The following NTAN1 variants were observed in gnomAD, a reference collection of about 807,000 sequenced individuals.
NTAN1 encodes N-terminal asparagine amidase.
A neutral mutation model predicts 41.9 loss-of-function variants in NTAN1; 32 were observed. The ratio of observed to expected loss-of-function variants is 0.76; its 90% CI spans 0.58 to 1.03. The LOEUF is 1.03. Among genes scored for constraint, NTAN1 ranks in the 50% least tolerant of loss-of-function variants. The pLI is 0.00. For missense variants in NTAN1, 377 were observed against 377.5 expected, an observed-to-expected ratio of 1.00 and a Z score of 0.01; for synonymous variants, 140 against 139.5, an observed-to-expected ratio of 1.00 and a Z score of -0.03.
intron 4 of NTAN1, 130 bp from the exon 5 acceptor site, chr16:15,044,537 C>T: frequency 1.5e-6 from 1 of 682,876 alleles, no homozygotes; most frequent in Non-Finnish European, 2.6e-6. Flanking sequence ...CATCTTCGTG[C>T]CACCGCAAAA....
intron 1 of NTAN1, among the ~76,000 whole-genome samples, chr16:15,053,182 G>A (rs532985106): frequency 2.0e-5 from 3 of 152,330 alleles, no homozygotes; most frequent in Admixed American, 1.3e-4. Flanking sequence ...ACTGAATAGC[G>A]CAGCTCCAGA....
chr16:15,056,044 C>T lies in NTAN1; in HGVS notation c.-73G>A, dbSNP rs1353423261. ...CTTTGCAGCCCCGGGCCGCCCGCCG[C>T]CCCCGCCCCTCGGGCCGCGCGTCCC... is the stretch of plus-strand genomic sequence containing the variant. On this transcript the variant is annotated 5_prime_UTR_variant, in exon 1 of 10. Transcript: ENST00000287706. 7 of 667,160 alleles carry T rather than the reference C, an allele frequency of 1.0e-5. No individual in the cohort carries two copies. The highest frequency in any genetic ancestry group is 1.9e-5 in the African/African-American group (1 of 51,660). 41.3% of individuals were successfully genotyped at this position (667,160 alleles called of 1,614,324 possible).
At chr16:15,039,400 CTT>C (rs934330170) in intron 8 of NTAN1, among the ~76,000 whole-genome samples, 1 of 152,190 alleles carries the variant, frequency 6.6e-6, no homozygotes, top group Non-Finnish European at 1.5e-5. Flanking sequence ...TTTTTTCACA[CTT>C]TGAGCATTTT....
At chr16:15,044,614 ATGACT>A in intron 4 of NTAN1, 1 of 591,600 alleles carries the variant, frequency 1.7e-6, no homozygotes, top group Non-Finnish European at 3.0e-6. Flanking sequence ...AGGGGCCCTG[ATGACT>A]GAGGGGATCC....
rs1443717457 is a variant in NTAN1, at chr16:15,041,603, G to C, written c.487+20C>G. 1.9e-6 allele frequency: 3 copies of C among 1,591,630 alleles called. No individual in the cohort carries two copies. Among genetic ancestry groups the C allele is most frequent in the Non-Finnish European group, 2.6e-6 (3 of 1,159,578 alleles). The stretch of plus-strand genomic sequence containing the variant: ...TCCTGAGACCCACATCTTTGCTTTG[G>C]GGCAAATGGCAGGACTTACCTGTCA... On this transcript the variant is annotated intron_variant, in intron 6 of 9. Transcript: ENST00000287706.
At position 15,047,585 on chromosome 16, in the gene NTAN1, C is replaced by G. The variant is rs371603293; in HGVS notation, c.251-35G>C. 17 of 1,467,770 alleles carry G rather than the reference C, an allele frequency of 1.2e-5. No individual in the cohort carries two copies. In the African/African-American group the frequency reaches 2.2e-4, roughly 19 times the overall value. The allele number at this position is 1,467,770 out of a possible 1,614,324, so 90.9% of individuals were successfully genotyped here. On this transcript the variant is annotated intron_variant, in intron 3 of 9. Coordinates refer to ENST00000287706, the MANE Select transcript of NTAN1 (RefSeq NM_173474.4). ...AAGGGTGAAAGGACTCAAGTTATTC[C>G]CTGATGCGAGTGCAGTGCGCAGGCC... is the stretch of plus-strand genomic sequence containing the variant.
In NTAN1 at chr16:15,038,072, C is replaced by T. The variant is rs1277243692; in HGVS notation, c.892G>A (p.Glu298Lys). The change falls in exon 10 of 10, where the codon GAA becomes AAA. Residue 298 changes from glutamate (E) to lysine (K), a missense_variant. Physicochemically the swap from Glu to Lys is moderately conservative, Grantham distance 56. Coordinates refer to ENST00000287706, the MANE Select transcript of NTAN1 (RefSeq NM_173474.4). ...GNKALLYKKN[E>K]DGLWEKISSP... Reference sequence around the variant, plus strand: ...GAGATCTTTTCCCACAAGCCATCTTCATTTTTTTTGTAGAGTAGGGCTTTA... The same window carrying T: ...GAGATCTTTTCCCACAAGCCATCTTTATTTTTTTTGTAGAGTAGGGCTTTA... 4 of 1,612,218 alleles carry T rather than the reference C, an allele frequency of 2.5e-6. No individual in the cohort carries two copies. Among genetic ancestry groups the T allele is most frequent in the Non-Finnish European group, 2.5e-6 (3 of 1,179,368 alleles).
intron 1 of NTAN1, 59 bp from the exon 2 acceptor site, chr16:15,048,158 A>G: frequency 7.8e-7 from 1 of 1,282,164 alleles, no homozygotes; most frequent in Non-Finnish European, 1.1e-6. Context: ...GGAAAAACTA[A>G]AGATGTGGAG....
In NTAN1 at chr16:15,046,232, A is replaced by G. The variant is rs2044055438; in HGVS notation, c.359+1210T>C. On this transcript the variant is annotated intron_variant, in intron 4 of 9. Transcript: ENST00000287706. ...GAGAATTTAGAATCGACCAGTATTG[A>G]CTAGCAAATCTCTCCCAGAGAACTC... Among the ~76,000 whole-genome samples the G allele has an allele frequency of 2.0e-5, 3 of 152,220 alleles. No homozygotes were observed. In the South Asian group the frequency reaches 6.2e-4, roughly 32 times the overall value.
At chr16:15,039,676 G>A (rs1277331883) in intron 8 of NTAN1, among the ~76,000 whole-genome samples, 1 of 152,162 alleles carries the variant, frequency 6.6e-6, no homozygotes, top group Non-Finnish European at 1.5e-5. Context: ...GAACTTTATA[G>A]AAAAGCTCTT....
intron 1 of NTAN1, among the ~76,000 whole-genome samples, chr16:15,055,454 C>A (rs1274205016): frequency 1.3e-5 from 2 of 152,200 alleles, no homozygotes; most frequent in Non-Finnish European, 2.9e-5. Context: ...CTCCGAAGCC[C>A]ACCCTGGAAT....
At chr16:15,052,063 A>G (rs916889339) in intron 1 of NTAN1, among the ~76,000 whole-genome samples, 1 of 151,994 alleles carries the variant, frequency 6.6e-6, no homozygotes, top group Non-Finnish European at 1.5e-5. Flanking sequence ...CCCAGTTCCT[A>G]TTCAATGGCA....
At chr16:15,048,438 T>C (rs1473163885) in intron 1 of NTAN1, among the ~76,000 whole-genome samples, 1 of 152,210 alleles carries the variant, frequency 6.6e-6, no homozygotes, top group Non-Finnish European at 1.5e-5. Context: ...CAGGCTGGTC[T>C]TGAACTCCTG....
chr16:15,045,707 C>T (rs2044031169), intron 4 of NTAN1: 1 of 152,244 alleles, frequency 6.6e-6, no homozygotes, highest in South Asian at 2.1e-4. Flanking sequence ...CTTGAGAAGT[C>T]CTGCGACTGA....
chr16:15,044,383 G>C lies in NTAN1; in HGVS notation c.384C>G (p.Gly128=), dbSNP rs764580920. ...CGRLEVHLVG[G]FSDDRQLSQK... ...GTGACAACTGCCTGTCGTCACTGAA[G>C]CCTCCAACAAGGTGTACTTCCAGCC... The change falls in exon 5 of 10, where the codon GGC becomes GGG. Residue 128 remains glycine, a synonymous_variant. Coordinates refer to ENST00000287706, the MANE Select transcript of NTAN1 (RefSeq NM_173474.4). 6.2e-7 allele frequency: 1 copy of C among 1,613,192 alleles called. No homozygotes were observed. Among genetic ancestry groups the C allele is most frequent in the Non-Finnish European group, 8.5e-7 (1 of 1,179,300 alleles).
chr16:15,047,270 C>CA lies in NTAN1; in HGVS notation c.359+171dup, dbSNP rs574026932. On this transcript the variant is annotated intron_variant, in intron 4 of 9. Coordinates refer to ENST00000287706, the MANE Select transcript of NTAN1 (RefSeq NM_173474.4). ...TGCCTGTGCCCAGCACCCACTCATT[C>CA]ACTCAACCACTGCTGACGCAGTGCC... 949 of 605,112 alleles carry CA rather than the reference C, an allele frequency of 1.6e-3. 1 individual carries two copies. The highest frequency in any genetic ancestry group is 2.2e-3 in the Non-Finnish European group (752 of 337,732). The allele number at this position is 605,112 out of a possible 1,614,324, so 37.5% of individuals were successfully genotyped here. A position where few individuals can be genotyped will look rare whatever the true frequency, so the allele number is the denominator to read the frequency against.
rs1597796618 is a variant in NTAN1 at position 15,047,510 on chromosome 16, G to A, written c.291C>T (p.Asp97=). 2.5e-6 allele frequency: 4 copies of A among 1,614,076 alleles called. No individual in the cohort carries two copies. Among genetic ancestry groups the A allele is most frequent in the Non-Finnish European group, 3.4e-6 (4 of 1,179,916 alleles). The change falls in exon 4 of 10, where the codon GAC becomes GAT. Residue 97 remains aspartate, a synonymous_variant. Transcript: ENST00000287706. ...ATCLTHCDGT[D]TKAEVPLIMN... ...TGATCAAGGGGACCTCAGCTTTGGT[G>A]TCGGTTCCGTCACAATGTGTCAAGC...
In NTAN1 at chr16:15,037,933, T is replaced by TAAGACCCAACAGATGTAGGATCCAGA. The variant is rs1555577351; in HGVS notation, c.*72_*97dup. On this transcript the variant is annotated 3_prime_UTR_variant, in exon 10 of 10. Transcript: ENST00000287706. ...AAGACACTGAGGAGGGAAGGAGGCC[T>TAAGACCCAACAGATGTAGGATCCAGA]AAGACCCAACAGATGTAGGATCCAG... 1 of 814,460 alleles carries TAAGACCCAACAGATGTAGGATCCAGA rather than the reference T, an allele frequency of 1.2e-6. No individual in the cohort carries two copies. The highest frequency in any genetic ancestry group is 2.5e-5 in the East Asian group (1 of 40,280). The allele number at this position is 814,460 out of a possible 1,614,324, so 50.5% of individuals were successfully genotyped here.
intron 8 of NTAN1, 39 bp from the exon 9 acceptor site, chr16:15,038,726 T>A: frequency 8.6e-7 from 1 of 1,167,386 alleles, no homozygotes; most frequent in Middle Eastern, 1.9e-4. Flanking sequence ...TTCAGGAATG[T>A]CACCCACTTT....
Sources: allele counts gnomAD v4.1 joint callset (sites outside exome capture counted in the v4.1 genomes callset), GRCh38; gene constraint gnomAD v4.1.1; transcripts MANE v1.5; gene names NCBI Gene and HGNC (gene_info 2026-07-23, HGNC 2026-07-21).